The following DGKI variants were observed in gnomAD, a reference collection of about 807,000 sequenced individuals.
The protein encoded by DGKI is DAG kinase iota.
DGKI carries 55 observed loss-of-function variants against 147.5 expected under a neutral mutation model. The ratio of observed to expected loss-of-function variants is 0.37; its 90% confidence interval spans 0.30 to 0.47. The LOEUF is 0.47. DGKI is among the 20% of genes least tolerant of loss of function. The pLI is 1.00. For missense variants in DGKI, 1,007 were observed against 1,323.8 expected (o/e 0.76, Z 3.71); for synonymous variants, 469 against 477.1 (o/e 0.98, Z 0.22).
chr7:137,470,501 T>C (rs1198177026), intron 23 of DGKI, among the ~76,000 whole-genome samples: 1 of 152,186 alleles, frequency 6.6e-6, no homozygotes, highest in Admixed American at 6.5e-5. Context: ...AATAGTTCCC[T>C]CTCTTCCAAA....
intron 1 of DGKI, among the ~76,000 whole-genome samples, chr7:137,828,550 T>C (rs2117060499): frequency 6.6e-6 from 1 of 152,276 alleles, no homozygotes; most frequent in South Asian, 2.1e-4. Context: ...TTCTAAAGCT[T>C]CTCTCCTTTT....
chr7:137,460,414 T>A lies in DGKI; in HGVS notation c.2735+3075A>T, dbSNP rs1000541402. On this transcript the variant is annotated intron_variant, in intron 27 of 32. Transcript: ENST00000614521. The stretch of plus-strand genomic sequence containing the variant: ...TATCAAAAATTATTAAAAACCCACA[T>A]ATATCAATATGAATGAATTTCAAAA... Among the ~76,000 whole-genome samples the A allele has an allele frequency of 3.9e-5, 6 of 152,220 alleles. No individual in the cohort carries two copies. The South Asian group carries it at 1.2e-3, about 31-fold the overall frequency.
intron 8 of DGKI, among the ~76,000 whole-genome samples, chr7:137,611,115 T>G (rs944330031): frequency 6.6e-6 from 1 of 152,220 alleles, no homozygotes; most frequent in African/African-American, 2.4e-5. Context: ...CTGAGGAATA[T>G]TTCGCATTAT....
intron 28 of DGKI, among the ~76,000 whole-genome samples, chr7:137,418,444 G>A (rs1260412343): frequency 6.6e-6 from 1 of 152,100 alleles, no homozygotes; most frequent in Non-Finnish European, 1.5e-5. Context: ...ACTTCTGAAG[G>A]GATGGCTTAA....
intron 2 of DGKI, among the ~76,000 whole-genome samples, chr7:137,687,163 C>A (rs949562266): frequency 4.6e-5 from 7 of 152,114 alleles, no homozygotes; most frequent in Non-Finnish European, 8.8e-5. Flanking sequence ...CCCTGCTGGA[C>A]CCCATCTGCC....
intron 3 of DGKI, among the ~76,000 whole-genome samples, chr7:137,670,417 T>A (rs573703185): frequency 3.3e-5 from 5 of 152,312 alleles, no homozygotes; most frequent in South Asian, 2.1e-4. Flanking sequence ...ATGGCTAACA[T>A]GTCCTGAGGG....
chr7:137,476,905 T>C (rs769811617), intron 23 of DGKI, among the ~76,000 whole-genome samples: 16 of 152,214 alleles, frequency 1.1e-4, no homozygotes, highest in Non-Finnish European at 4.4e-5. Flanking sequence ...AGAGGAATTA[T>C]GATTTCAGGT....
At chr7:137,770,993 C>A (rs910357113) in intron 1 of DGKI, among the ~76,000 whole-genome samples, 2 of 152,196 alleles carry the variant, frequency 1.3e-5, no homozygotes, top group African/African-American at 4.8e-5. Flanking sequence ...AGGAGTGAAT[C>A]TGTGTAATCG....
intron 23 of DGKI, among the ~76,000 whole-genome samples, chr7:137,478,043 A>G (rs1815238016): frequency 6.6e-6 from 1 of 152,222 alleles, no homozygotes; most frequent in South Asian, 2.1e-4. Context: ...GTAGGAAAAC[A>G]AAAATGCGCA....
At chr7:137,621,115 T>A (rs1820733110) in intron 7 of DGKI, among the ~76,000 whole-genome samples, 1 of 152,220 alleles carries the variant, frequency 6.6e-6, no homozygotes, top group Non-Finnish European at 1.5e-5. Context: ...CAAGATCTGC[T>A]GTGATCCAGT....
chr7:137,764,928 G>A (rs1795964984), intron 1 of DGKI, among the ~76,000 whole-genome samples: 1 of 152,024 alleles, frequency 6.6e-6, no homozygotes, highest in South Asian at 2.1e-4. Context: ...TTTTACCCAA[G>A]AGGCTACAGG....
intron 19 of DGKI, among the ~76,000 whole-genome samples, chr7:137,565,122 A>G (rs1290114269): frequency 6.6e-6 from 1 of 152,242 alleles, no homozygotes; most frequent in African/African-American, 2.4e-5. Context: ...AGGTTTACAA[A>G]CAATTATGTT....
At chr7:137,538,822 G>A (rs1817597938) in intron 20 of DGKI, among the ~76,000 whole-genome samples, 1 of 152,174 alleles carries the variant, frequency 6.6e-6, no homozygotes, top group Non-Finnish European at 1.5e-5. Flanking sequence ...GTAAACGATA[G>A]CAGTAGATTG....
intron 1 of DGKI, among the ~76,000 whole-genome samples, chr7:137,716,343 A>G (rs911992055): frequency 6.6e-6 from 1 of 152,208 alleles, no homozygotes; most frequent in Admixed American, 6.5e-5. Context: ...AAAATTTCCT[A>G]AGAAAGAGCT....
chr7:137,584,140 C>T (rs1819303650), intron 14 of DGKI, among the ~76,000 whole-genome samples: 1 of 152,078 alleles, frequency 6.6e-6, no homozygotes, highest in Non-Finnish European at 1.5e-5. Context: ...AAAATCTTAG[C>T]CTCAATAAAT....
intron 4 of DGKI, 32 bp downstream of exon 4, chr7:137,656,434 T>C (rs780732633): frequency 2.6e-4 from 427 of 1,611,936 alleles, no homozygotes; most frequent in Admixed American, 1.3e-3. Context: ...ACTTGCAATG[T>C]AACAAAACTG....
chr7:137,485,462 T>G (rs1386612792), intron 22 of DGKI, 44 bp from the exon 23 acceptor site: 1 of 1,463,230 alleles, frequency 6.8e-7, no homozygotes, highest in Non-Finnish European at 9.4e-7. Context: ...TAAAATTAGT[T>G]TGAACAAGCT....
chr7:137,832,536 C>T (rs1486363286), intron 1 of DGKI, among the ~76,000 whole-genome samples: 1 of 152,230 alleles, frequency 6.6e-6, no homozygotes, highest in East Asian at 1.9e-4. Context: ...GCACAAGACA[C>T]CAAGTCCATA....
At chr7:137,413,180 T>C (rs1254928551) in intron 28 of DGKI, among the ~76,000 whole-genome samples, 1 of 150,268 alleles carries the variant, frequency 6.7e-6, no homozygotes, top group Non-Finnish European at 1.5e-5. Context: ...GGCAGGAGAA[T>C]TGCTTGAATT....
Sources: gnomAD v4.1 joint callset for allele counts (sites outside exome capture counted in the v4.1 genomes callset) on GRCh38, gnomAD v4.1.1 for gene constraint, MANE v1.5 for transcripts, NCBI Gene and HGNC (gene_info 2026-07-23, HGNC 2026-07-21) for gene names.